The following SP6 variants were observed in gnomAD, a reference collection of about 807,000 sequenced individuals.
The protein encoded by SP6 is transcription factor Sp6.
A neutral mutation model predicts 23.4 loss-of-function variants in SP6; 10 were observed. That is an observed-to-expected ratio of 0.43 (90% CI 0.26 to 0.72). The LOEUF is 0.72. Among genes scored for constraint, SP6 ranks in the 30% least tolerant of loss-of-function variants. SP6 has a pLI of 0.23. For synonymous variants in SP6, 238 were observed against 238.7 expected (o/e 1.00, Z 0.03); for missense variants, 482 against 523.8 (o/e 0.92, Z 0.78).
upstream of SP6, among the ~76,000 whole-genome samples, chr17:47,856,317 C>T (rs1307390347): frequency 6.6e-6 from 1 of 152,202 alleles, no homozygotes; most frequent in East Asian, 1.9e-4. Context: ...GACCTGGGAT[C>T]TCTCATTGTC....
upstream of SP6, among the ~76,000 whole-genome samples, chr17:47,859,270 T>G (rs2034019556): frequency 6.6e-6 from 1 of 152,322 alleles, no homozygotes; most frequent in East Asian, 1.9e-4. Flanking sequence ...CCAGCCTTCC[T>G]ACCTTTGTCG....
At position 47,845,820 on chromosome 17, in the gene SP6, G is replaced by T. The variant is rs1029257619; in HGVS notation, c.*1479C>A. 2.0e-5 allele frequency: 3 copies of T among 152,286 alleles called. No homozygotes were observed. The highest frequency in any genetic ancestry group is 2.1e-4 in the South Asian group (1 of 4,836). 9.4% of individuals were successfully genotyped at this position (152,286 alleles called of 1,614,324 possible). The stretch of plus-strand genomic sequence containing the variant: ...TCCGGGTGAAGAAAGGGAGCGAGGG[G>T]AAGGGGGAGGGGTGTCAGAGGGACT... On this transcript the variant is annotated 3_prime_UTR_variant, in exon 2 of 2. Coordinates refer to ENST00000536300, the MANE Select transcript of SP6 (RefSeq NM_001258248.2).
At position 47,847,185 on chromosome 17, in the gene SP6, C is replaced by A; in HGVS notation, c.*114G>T. 1 of 1,142,336 alleles carries A rather than the reference C, an allele frequency of 8.8e-7. No homozygotes were observed. The highest frequency in any genetic ancestry group is 1.2e-6 in the Non-Finnish European group (1 of 831,416). The allele number at this position is 1,142,336 out of a possible 1,614,324, so 70.8% of individuals were successfully genotyped here. A position where few individuals can be genotyped will look rare whatever the true frequency, so the allele number is the denominator to read the frequency against. Reference sequence around the variant, plus strand: ...TGTCCCTGCACCACTTTTCCTCCTCCCTGAATAAATACGCACCTTCCCCTC... The same window carrying A: ...TGTCCCTGCACCACTTTTCCTCCTCACTGAATAAATACGCACCTTCCCCTC... On this transcript the variant is annotated 3_prime_UTR_variant, in exon 2 of 2. Coordinates refer to ENST00000536300, the MANE Select transcript of SP6 (RefSeq NM_001258248.2).
At chr17:47,872,602 C>A in the SP6 span, among the ~76,000 whole-genome samples, 1 of 152,182 alleles carries the variant, frequency 6.6e-6, no homozygotes, top group Non-Finnish European at 1.5e-5. Flanking sequence ...AGACACCACA[C>A]AACAAAGCAA....
chr17:47,872,764 C>T, the SP6 span, among the ~76,000 whole-genome samples: 1 of 152,126 alleles, frequency 6.6e-6, no homozygotes, highest in Non-Finnish European at 1.5e-5. Context: ...GAGGGACTCC[C>T]GCTGGGTTAC....
At chr17:47,867,870 T>C in the SP6 span, among the ~76,000 whole-genome samples, 9 of 152,286 alleles carry the variant, frequency 5.9e-5, no homozygotes, top group African/African-American at 2.2e-4. Context: ...TCACCCCCAC[T>C]GGAAGCCTTT....
chr17:47,866,274 C>T, the SP6 span, among the ~76,000 whole-genome samples: 9 of 152,116 alleles, frequency 5.9e-5, no homozygotes, highest in Middle Eastern at 3.4e-3. Flanking sequence ...AGAGGGAGGG[C>T]AGGGAAGAAA....
At chr17:47,860,770 G>A (rs1371632290), upstream of SP6, among the ~76,000 whole-genome samples, 5 of 151,752 alleles carry the variant, frequency 3.3e-5, no homozygotes, top group Non-Finnish European at 2.9e-5. Flanking sequence ...TCACATCACT[G>A]AGAGTTGGCC....
chr17:47,851,628 G>A (rs2033957581), upstream of SP6, among the ~76,000 whole-genome samples: 1 of 152,162 alleles, frequency 6.6e-6, no homozygotes, highest in South Asian at 2.1e-4. Context: ...AAGATTGAGC[G>A]CCAAGTATGT....
intron 1 of SP6, 27 bp downstream of exon 1, chr17:47,850,892 C>T (rs1251670329): frequency 6.6e-6 from 1 of 152,364 alleles, no homozygotes; most frequent in Non-Finnish European, 1.5e-5. Flanking sequence ...AGCGCTCACC[C>T]CTGGCCACCC....
chr17:47,873,776 C>T, the SP6 span, among the ~76,000 whole-genome samples: 4 of 151,890 alleles, frequency 2.6e-5, no homozygotes, highest in African/African-American at 9.7e-5. Context: ...CAGCCATTGG[C>T]CTCCCCTTTT....
the SP6 span, among the ~76,000 whole-genome samples, chr17:47,866,122 T>C: frequency 6.6e-6 from 1 of 152,208 alleles, no homozygotes; most frequent in African/African-American, 2.4e-5. Flanking sequence ...TTTCTGGGAA[T>C]TGGGGGAAAT....
upstream of SP6, among the ~76,000 whole-genome samples, chr17:47,856,388 A>G (rs1488027168): frequency 6.6e-6 from 1 of 152,162 alleles, no homozygotes. Flanking sequence ...TAGGATGGAC[A>G]AGAGGTCACC....
At chr17:47,863,740 T>A in the SP6 span, among the ~76,000 whole-genome samples, 2 of 49,528 alleles carry the variant, frequency 4.0e-5, no homozygotes, top group African/African-American at 7.6e-5. Flanking sequence ...AATTTTGTAT[T>A]TTTTTTTTTT....
upstream of SP6, among the ~76,000 whole-genome samples, chr17:47,853,970 T>A (rs886670926): frequency 2.6e-5 from 4 of 152,194 alleles, no homozygotes; most frequent in Non-Finnish European, 5.9e-5. Flanking sequence ...CATGGTCTGA[T>A]GTTAACTTAA....
At chr17:47,875,215 G>A in the SP6 span, among the ~76,000 whole-genome samples, 1,351 of 152,188 alleles carry the variant, frequency 8.9e-3, 19 homozygotes, top group African/African-American at 0.029. Context: ...TGCATTCCTG[G>A]GGCTGGCTCC....
the SP6 span, among the ~76,000 whole-genome samples, chr17:47,875,678 T>C: frequency 6.6e-6 from 1 of 152,216 alleles, no homozygotes; most frequent in African/African-American, 2.4e-5. Context: ...GAGATGGACA[T>C]TCAGGGAAAC....
chr17:47,854,147 G>A (rs182974910), upstream of SP6, among the ~76,000 whole-genome samples: 57 of 152,248 alleles, frequency 3.7e-4, no homozygotes, highest in African/African-American at 1.3e-3. Flanking sequence ...CCCTGCAAGT[G>A]TCCAACCCCC....
the SP6 span, among the ~76,000 whole-genome samples, chr17:47,869,487 G>A: frequency 6.6e-6 from 1 of 152,202 alleles, no homozygotes; most frequent in Non-Finnish European, 1.5e-5. Flanking sequence ...GATCTCAGGA[G>A]AGCCTGAGTT....
Sources: allele counts gnomAD v4.1 joint callset (sites outside exome capture counted in the v4.1 genomes callset), GRCh38; gene constraint gnomAD v4.1.1; transcripts MANE v1.5; gene names NCBI Gene and HGNC (gene_info 2026-07-23, HGNC 2026-07-21).